ERBB4: variants seen among roughly 807,000 people sequenced by gnomAD.
ERBB4 encodes erb-b2 receptor tyrosine kinase 4, also known as receptor tyrosine-protein kinase erbB-4.
ERBB4 carries 42 observed loss-of-function variants against 158.0 expected under a neutral mutation model. The ratio of observed to expected loss-of-function variants is 0.27; its 90% CI spans 0.21 to 0.34. The LOEUF (loss-of-function observed/expected upper bound fraction) is 0.34, where lower values mean the gene tolerates loss of function less well. Ranked by LOEUF, ERBB4 falls within the 10% of genes least tolerant of loss-of-function variation. The pLI, the probability that ERBB4 is intolerant of heterozygous loss-of-function variation, is 1.00. For missense variants in ERBB4, 1,333 were observed against 1,624.1 expected (o/e 0.82, Z 3.08); for synonymous variants, 583 against 558.7 (o/e 1.04, Z -0.61).
intron 25 of ERBB4, among the ~76,000 whole-genome samples, chr2:211,413,751 A>T (rs2063320306): frequency 6.6e-6 from 1 of 152,038 alleles, no homozygotes; most frequent in Admixed American, 6.6e-5. Flanking sequence ...AGCTCAGCTA[A>T]TCTGGGTTTT....
intron 2 of ERBB4, among the ~76,000 whole-genome samples, chr2:211,949,584 A>G (rs2080816965): frequency 6.6e-6 from 1 of 152,200 alleles, no homozygotes; most frequent in Admixed American, 6.5e-5. Context: ...TTTCAATTAC[A>G]TTTTATGGCT....
At chr2:211,771,379 T>G (rs557125368) in intron 4 of ERBB4, among the ~76,000 whole-genome samples, 2 of 152,276 alleles carry the variant, frequency 1.3e-5, no homozygotes, top group South Asian at 4.1e-4. Flanking sequence ...CTAAACATAG[T>G]TGAAGGTGGA....
At chr2:212,283,792 T>G (rs1259694361) in intron 1 of ERBB4, among the ~76,000 whole-genome samples, 1 of 152,030 alleles carries the variant, frequency 6.6e-6, no homozygotes, top group Non-Finnish European at 1.5e-5. Flanking sequence ...ATAGTTACTA[T>G]AGTGACATAC....
chr2:211,911,913 C>G (rs1027487448), intron 3 of ERBB4, among the ~76,000 whole-genome samples: 3 of 151,374 alleles, frequency 2.0e-5, no homozygotes, highest in African/African-American at 7.3e-5. Context: ...CAGTGACAAC[C>G]AAAATGAGTG....
At chr2:212,292,711 G>A (rs942537898) in intron 1 of ERBB4, among the ~76,000 whole-genome samples, 1 of 152,028 alleles carries the variant, frequency 6.6e-6, no homozygotes, top group Non-Finnish European at 1.5e-5. Context: ...ATGGATTATG[G>A]CACTGTATTA....
At chr2:211,760,575 T>C (rs1052790803) in intron 4 of ERBB4, among the ~76,000 whole-genome samples, 3 of 152,246 alleles carry the variant, frequency 2.0e-5, no homozygotes, top group Non-Finnish European at 2.9e-5. Context: ...TCAACAGATA[T>C]GTACTCTTAC....
At chr2:211,559,955 T>G (rs1436425310) in intron 20 of ERBB4, among the ~76,000 whole-genome samples, 1 of 152,144 alleles carries the variant, frequency 6.6e-6, no homozygotes, top group Non-Finnish European at 1.5e-5. Flanking sequence ...TAATTATTTC[T>G]GCCTCCAGAG....
At chr2:212,504,479 G>GA (rs1182658081) in intron 1 of ERBB4, among the ~76,000 whole-genome samples, 2 of 150,820 alleles carry the variant, frequency 1.3e-5, no homozygotes, top group Non-Finnish European at 3.0e-5. Context: ...AAGAGATCCT[G>GA]AAAAAGCCTA....
chr2:212,136,514 T>C (rs1295812333), intron 1 of ERBB4, among the ~76,000 whole-genome samples: 1 of 152,204 alleles, frequency 6.6e-6, no homozygotes, highest in African/African-American at 2.4e-5. Flanking sequence ...GGGCAATAGG[T>C]ACCTTCATGC....
chr2:211,854,308 TTTAA>T (rs141873933), intron 3 of ERBB4, among the ~76,000 whole-genome samples: 32,905 of 151,976 alleles, frequency 0.22, 3,684 homozygotes, highest in South Asian at 0.32. Flanking sequence ...AGTTTGGATA[TTTAA>T]TTGTTAAATA....
intron 19 of ERBB4, among the ~76,000 whole-genome samples, chr2:211,604,898 A>G (rs1213379395): frequency 6.6e-6 from 1 of 152,196 alleles, no homozygotes; most frequent in Non-Finnish European, 1.5e-5. Flanking sequence ...AACATCTTGT[A>G]TCTATTTGAA....
At chr2:211,829,221 G>A (rs2077168518) in intron 3 of ERBB4, among the ~76,000 whole-genome samples, 1 of 152,026 alleles carries the variant, frequency 6.6e-6, no homozygotes, top group African/African-American at 2.4e-5. Flanking sequence ...TCTGAACTCT[G>A]TGGTCACATC....
intron 12 of ERBB4, among the ~76,000 whole-genome samples, chr2:211,690,331 G>A (rs866929163): frequency 3.3e-5 from 5 of 151,942 alleles, no homozygotes; most frequent in Non-Finnish European, 4.4e-5. Flanking sequence ...TCTGCTAAAG[G>A]TGACAGCACT....
chr2:211,705,863 CTTT>C (rs901523632), intron 9 of ERBB4, among the ~76,000 whole-genome samples: 1 of 151,976 alleles, frequency 6.6e-6, no homozygotes, highest in Non-Finnish European at 1.5e-5. Flanking sequence ...AAATTGACAT[CTTT>C]TTTTTCTGTA....
At chr2:211,696,164 G>A (rs1278318466) in intron 12 of ERBB4, among the ~76,000 whole-genome samples, 1 of 150,880 alleles carries the variant, frequency 6.6e-6, no homozygotes, top group African/African-American at 2.4e-5. Context: ...AGGCTGAAGT[G>A]CAATGGTGTG....
intron 19 of ERBB4, among the ~76,000 whole-genome samples, chr2:211,593,012 CA>C (rs60165704): frequency 3.1e-4 from 44 of 141,022 alleles, no homozygotes; most frequent in African/African-American, 9.8e-4. Flanking sequence ...GACTCCATCT[CA>C]AAAAAAAAAA....
chr2:211,871,644 T>A (rs901224273), intron 3 of ERBB4, among the ~76,000 whole-genome samples: 1 of 152,180 alleles, frequency 6.6e-6, no homozygotes, highest in African/African-American at 2.4e-5. Flanking sequence ...TAGGACAATA[T>A]TTCAAATCTT....
At chr2:212,468,096 C>G (rs1457154981) in intron 1 of ERBB4, among the ~76,000 whole-genome samples, 1 of 152,154 alleles carries the variant, frequency 6.6e-6, no homozygotes, top group Non-Finnish European at 1.5e-5. Flanking sequence ...TCCTGTACCC[C>G]CATTGTATCT....
intron 16 of ERBB4, among the ~76,000 whole-genome samples, chr2:211,631,248 G>A (rs1230138711): frequency 6.6e-6 from 1 of 152,068 alleles, no homozygotes; most frequent in African/African-American, 2.4e-5. Flanking sequence ...TGAGTGGTCT[G>A]AAGACATAGA....
Sources: allele counts gnomAD v4.1 joint callset (sites outside exome capture counted in the v4.1 genomes callset), GRCh38; gene constraint gnomAD v4.1.1; transcripts MANE v1.5; gene names NCBI Gene and HGNC (gene_info 2026-07-23, HGNC 2026-07-21).